RBFOX1: variants seen among roughly 807,000 people sequenced by gnomAD.
RBFOX1 encodes the protein RNA binding fox-1 homolog 1.
RBFOX1 carries 8 observed loss-of-function variants against 57.7 expected under a neutral mutation model. The ratio of observed to expected loss-of-function variants is 0.14; its 90% CI spans 0.08 to 0.25. The LOEUF is 0.25. Ranked by LOEUF, RBFOX1 falls within the 10% of genes least tolerant of loss-of-function variation. The pLI, the probability that RBFOX1 is intolerant of heterozygous loss-of-function variation, is 1.00. For missense variants in RBFOX1, 611 were observed against 548.5 expected (o/e 1.11, Z -1.14); for synonymous variants, 326 against 222.4 (o/e 1.47, Z -4.15).
At chr16:6,391,360 A>G (rs1324389454) in intron 2 of RBFOX1, among the ~76,000 whole-genome samples, 1 of 152,036 alleles carries the variant, frequency 6.6e-6, no homozygotes, top group Admixed American at 6.5e-5. Flanking sequence ...ATACAAAAAA[A>G]TTAGCCAGGC....
At chr16:6,875,626 C>A (rs1463767262) in intron 3 of RBFOX1, among the ~76,000 whole-genome samples, 1 of 152,176 alleles carries the variant, frequency 6.6e-6, no homozygotes, top group African/African-American at 2.4e-5. Flanking sequence ...TAGAGTTGAT[C>A]CACATCTGGA....
At chr16:6,299,536 C>T (rs568040754) in intron 1 of RBFOX1, among the ~76,000 whole-genome samples, 1 of 152,188 alleles carries the variant, frequency 6.6e-6, no homozygotes, top group South Asian at 2.1e-4. Flanking sequence ...ATTTCAGAGA[C>T]CTCATTTTAC....
chr16:7,613,972 T>C (rs1372273686), intron 10 of RBFOX1, among the ~76,000 whole-genome samples: 2 of 152,220 alleles, frequency 1.3e-5, no homozygotes, highest in Non-Finnish European at 2.9e-5. Context: ...CATGCCCTGT[T>C]TGGGATGAAA....
At chr16:6,975,538 A>G (rs2086642570) in intron 3 of RBFOX1, among the ~76,000 whole-genome samples, 1 of 152,104 alleles carries the variant, frequency 6.6e-6, no homozygotes, top group East Asian at 1.9e-4. Context: ...AAGTGCTGGG[A>G]TTACAGGCGT....
rs188050604 is a variant in RBFOX1, at chr16:6,272,369, C to A, written c.-126-44626C>A. Among the ~76,000 whole-genome samples, 1,048 of 152,214 alleles carry A rather than the reference C, an allele frequency of 6.9e-3. 6 individuals are homozygous for A. Among genetic ancestry groups the A allele is most frequent in the Middle Eastern group, 0.017 (5 of 294 alleles). On this transcript the variant is annotated intron_variant, in intron 1 of 15. Coordinates refer to ENST00000550418, the MANE Select transcript of RBFOX1 (RefSeq NM_018723.4). ...ACAATTAAAAATGCAATGTCATGTACAATGACTCAAAAAATATACTTAGGT... is the reference window on the plus strand; with the variant it reads ...ACAATTAAAAATGCAATGTCATGTAAAATGACTCAAAAAATATACTTAGGT...
chr16:6,594,042 G>A (rs1394532621), intron 2 of RBFOX1, among the ~76,000 whole-genome samples: 5 of 152,038 alleles, frequency 3.3e-5, no homozygotes, highest in Non-Finnish European at 5.9e-5. Flanking sequence ...AACTACCCAG[G>A]GAACATCACA....
At chr16:6,852,898 C>G (rs531216713) in intron 3 of RBFOX1, among the ~76,000 whole-genome samples, 2 of 151,454 alleles carry the variant, frequency 1.3e-5, no homozygotes, top group South Asian at 2.1e-4. Context: ...GCTGTCCACA[C>G]AAGGTGCATG....
chr16:5,895,078 TG>T (rs2058132249), intron 4 of RBFOX1, among the ~76,000 whole-genome samples: 1 of 152,128 alleles, frequency 6.6e-6, no homozygotes, highest in Non-Finnish European at 1.5e-5. Flanking sequence ...TACTGAACTC[TG>T]AGAGAGAGTG....
In RBFOX1 at chr16:5,609,736, CT is replaced by C. The variant is rs570515768; in HGVS notation, c.318+10776del. Among the ~76,000 whole-genome samples, 585 of 152,256 alleles carry C rather than the reference CT, an allele frequency of 3.8e-3. 2 individuals carry two copies. Among genetic ancestry groups the C allele is most frequent in the African/African-American group, 0.013 (555 of 41,554 alleles). On this transcript the variant is annotated intron_variant, in intron 3 of 19. Transcript: ENST00000641259. ...TGTGTCCTTTACACATGCTGTTCCCCTGACCACAAATGCTTTTCCCTAAGAC... is the reference window on the plus strand; with the variant it reads ...TGTGTCCTTTACACATGCTGTTCCCCGACCACAAATGCTTTTCCCTAAGAC...
At chr16:7,357,601 C>G (rs940485598) in intron 4 of RBFOX1, among the ~76,000 whole-genome samples, 1 of 152,158 alleles carries the variant, frequency 6.6e-6, no homozygotes, top group Non-Finnish European at 1.5e-5. Context: ...GTGCATTTCA[C>G]CCATCTTCCT....
chr16:5,252,436 C>T (rs1212616354), intron 1 of RBFOX1, among the ~76,000 whole-genome samples: 2 of 152,200 alleles, frequency 1.3e-5, no homozygotes, highest in African/African-American at 4.8e-5. Flanking sequence ...TTTTCACTTG[C>T]TACGTATGAG....
chr16:5,470,897 G>A (rs936315038), intron 2 of RBFOX1, among the ~76,000 whole-genome samples: 1 of 152,096 alleles, frequency 6.6e-6, no homozygotes, highest in Admixed American at 6.6e-5. Flanking sequence ...CGTCACCCAG[G>A]CTGGAGTACA....
intron 2 of RBFOX1, among the ~76,000 whole-genome samples, chr16:6,524,578 G>T (rs904061537): frequency 6.6e-6 from 1 of 152,112 alleles, no homozygotes; most frequent in Non-Finnish European, 1.5e-5. Context: ...AGTTTGTTTT[G>T]TGTTAAAAGG....
Position 5,413,028 on chromosome 16 carries a change from C to G in RBFOX1, c.220-54188C>G, listed in dbSNP as rs8059452. On this transcript the variant is annotated intron_variant, in intron 1 of 2. Transcript: ENST00000585867. ...GGTGACAGCTCTGGATGAAGCCACT[C>G]TGGCATGTTTTGAAGTGAGGTTGCC... is the stretch of plus-strand genomic sequence containing the variant. Among the ~76,000 whole-genome samples, 1,109 of 152,298 alleles carry G rather than the reference C, an allele frequency of 7.3e-3. 16 individuals carry two copies. The highest frequency in any genetic ancestry group is 0.026 in the African/African-American group (1,072 of 41,574).
At chr16:6,187,418 T>G (rs1008893908) in intron 1 of RBFOX1, among the ~76,000 whole-genome samples, 1 of 152,042 alleles carries the variant, frequency 6.6e-6, no homozygotes, top group African/African-American at 2.4e-5. Context: ...AGGGCAGAGA[T>G]AACAGGGATA....
At chr16:6,368,172 G>A (rs749638766) in intron 2 of RBFOX1, among the ~76,000 whole-genome samples, 1 of 152,050 alleles carries the variant, frequency 6.6e-6, no homozygotes, top group African/African-American at 2.4e-5. Flanking sequence ...CAGCTTCAAG[G>A]GATTATGCAT....
At chr16:7,637,181 C>G (rs1408059063) in intron 11 of RBFOX1, among the ~76,000 whole-genome samples, 1 of 151,274 alleles carries the variant, frequency 6.6e-6, no homozygotes, top group Non-Finnish European at 1.5e-5. Context: ...CAGAGTTGAA[C>G]AGTAGATCCC....
intron 2 of RBFOX1, among the ~76,000 whole-genome samples, chr16:6,591,481 G>A (rs934849466): frequency 1.3e-5 from 2 of 152,128 alleles, no homozygotes; most frequent in Non-Finnish European, 2.9e-5. Flanking sequence ...AAAAACCTTT[G>A]TGTTATGCAT....
chr16:6,702,038 C>G (rs759505972), intron 3 of RBFOX1, among the ~76,000 whole-genome samples: 2 of 152,090 alleles, frequency 1.3e-5, no homozygotes, highest in African/African-American at 2.4e-5. Flanking sequence ...ACACCATACC[C>G]TTGCAACATA....
Sources: gnomAD v4.1 joint callset for allele counts (sites outside exome capture counted in the v4.1 genomes callset) on GRCh38, gnomAD v4.1.1 for gene constraint, MANE v1.5 for transcripts, NCBI Gene and HGNC (gene_info 2026-07-23, HGNC 2026-07-21) for gene names.